DNAH6: variants seen among roughly 807,000 people sequenced by gnomAD.
DNAH6 encodes dynein axonemal heavy chain 6, also known as axonemal beta dynein heavy chain 6.
Under a neutral mutation model 491.4 loss-of-function variants are expected in DNAH6, and 340 were observed. That is an observed-to-expected ratio of 0.69 (90% confidence interval 0.63 to 0.76). The LOEUF is 0.76. DNAH6 is among the 30% of genes least tolerant of loss of function. DNAH6 has a pLI of 0.00. For missense variants in DNAH6, 4,443 were observed against 4,972.2 expected, an observed-to-expected ratio of 0.89 and a Z score of 3.20; for synonymous variants, 1,603 against 1,686.1, an observed-to-expected ratio of 0.95 and a Z score of 1.21.
At position 84,703,401 on chromosome 2, in the gene DNAH6, G is replaced by T. The variant is rs1385069740; in HGVS notation, c.8068G>T (p.Asp2690Tyr). The T allele has an allele frequency of 1.3e-6, 2 of 1,507,492 alleles. No homozygotes were observed. The highest frequency in any genetic ancestry group is 1.8e-6 in the Non-Finnish European group (2 of 1,124,452). The allele number at this position is 1,507,492 out of a possible 1,614,324, so 93.4% of individuals were successfully genotyped here. A position where few individuals can be genotyped will look rare whatever the true frequency, so the allele number is the denominator to read the frequency against. Residue 2690 changes from aspartate to tyrosine, a missense_variant, in exon 50 of 77, where the codon GAT becomes TAT. Physicochemically the swap from Asp to Tyr is radical, Grantham distance 160 (BLOSUM62 -3). Transcript: ENST00000389394. ...EKRKQIISAR[D>Y]RVKNGLTKLL... ...AATTTTCATTGTCACTTAGGCACGA[G>T]ATCGGGTGAAGAATGGTCTCACCAA...
At chr2:84,652,520 C>T (rs1009112248) in intron 33 of DNAH6, among the ~76,000 whole-genome samples, 10 of 151,970 alleles carry the variant, frequency 6.6e-5, no homozygotes, top group Non-Finnish European at 1.2e-4. Flanking sequence ...GTATATAAAG[C>T]CTTTTATCTC....
intron 37 of DNAH6, among the ~76,000 whole-genome samples, chr2:84,668,090 T>TG (rs1692344281): frequency 6.7e-6 from 1 of 149,490 alleles, no homozygotes; most frequent in African/African-American, 2.5e-5. Context: ...CGGCCTGTCG[T>TG]GGGGCGGGGG....
intron 18 of DNAH6, 58 bp downstream of exon 18, chr2:84,595,847 T>C: frequency 1.4e-6 from 2 of 1,426,812 alleles, no homozygotes; most frequent in East Asian, 5.3e-5. Flanking sequence ...TAATTGATGC[T>C]AATGAGACCA....
intron 37 of DNAH6, among the ~76,000 whole-genome samples, chr2:84,668,855 T>TGA (rs1407351756): frequency 9.9e-4 from 11 of 11,088 alleles, no homozygotes; most frequent in Admixed American, 2.5e-3. Flanking sequence ...TGTGTGTGTG[T>TGA]GTATGATTGT....
intron 57 of DNAH6, 149 bp downstream of exon 57, chr2:84,713,408 A>C: frequency 1.3e-6 from 1 of 765,708 alleles, no homozygotes; most frequent in Non-Finnish European, 2.0e-6. Context: ...ACCATCTTCC[A>C]TTCTTGCTTC....
intron 16 of DNAH6, among the ~76,000 whole-genome samples, chr2:84,593,657 T>C (rs1478661739): frequency 1.3e-5 from 2 of 152,174 alleles, no homozygotes; most frequent in Non-Finnish European, 2.9e-5. Context: ...ACCTAACATA[T>C]ATGTGCATGT....
intron 8 of DNAH6, among the ~76,000 whole-genome samples, chr2:84,549,324 A>G (rs1442636496): frequency 6.6e-6 from 1 of 152,240 alleles, no homozygotes; most frequent in Non-Finnish European, 1.5e-5. Context: ...TGAGGCTACC[A>G]TAGTGGACCT....
intron 62 of DNAH6, among the ~76,000 whole-genome samples, chr2:84,740,152 T>C (rs1405099529): frequency 6.6e-6 from 1 of 152,204 alleles, no homozygotes; most frequent in Non-Finnish European, 1.5e-5. Context: ...GCCAACTCTC[T>C]GTACAGGTTC....
Position 84,788,614 on chromosome 2 carries a change from TAGAC to T in DNAH6, c.11239+1316_11239+1319del, listed in dbSNP as rs1466604736. 2.6e-5 allele frequency among the ~76,000 whole-genome samples: 4 copies of T among 152,326 alleles called. No homozygotes were observed. The Middle Eastern group carries it at 0.01, about 389-fold the overall frequency. ...AGTCATTGTGGCACTGGCATAAAAATAGACAGATTTTGACTTGGCAGTGGTGACC... is the reference window on the plus strand; with the variant it reads ...AGTCATTGTGGCACTGGCATAAAAATAGATTTTGACTTGGCAGTGGTGACC... On this transcript the variant is annotated intron_variant, in intron 68 of 76. Coordinates refer to ENST00000389394, the MANE Select transcript of DNAH6 (RefSeq NM_001370.2).
rs773663662 is a variant in DNAH6, at chr2:84,685,343, C to G, written c.6934C>G (p.Pro2312Ala). 10 of 1,503,208 alleles carry G rather than the reference C, an allele frequency of 6.7e-6. No homozygotes were observed. Among genetic ancestry groups the G allele is most frequent in the Non-Finnish European group, 8.9e-6 (10 of 1,120,002 alleles). 93.1% of individuals were successfully genotyped at this position (1,503,208 alleles called of 1,614,324 possible). Reference protein sequence around the residue: ...KCVQGILQCDPGTIREEIQIF... With the variant: ...KCVQGILQCDAGTIREEIQIF... ...AAAAACAGGTATCCTCCAATGTGATCCAGGAACAATAAGAGAAGAAATTCA... is the reference window on the plus strand; with the variant it reads ...AAAAACAGGTATCCTCCAATGTGATGCAGGAACAATAAGAGAAGAAATTCA... The change falls in exon 43 of 77, where the codon CCA (proline) becomes GCA (alanine). Residue 2312 changes from proline (P) to alanine (A), a missense_variant. Pro to Ala is a conservative substitution (Grantham distance 27, BLOSUM62 -1). Transcript: ENST00000389394.
chr2:84,662,387 TC>T (rs1691603743), intron 37 of DNAH6, among the ~76,000 whole-genome samples: 1 of 152,028 alleles, frequency 6.6e-6, no homozygotes, highest in Non-Finnish European at 1.5e-5. Context: ...ACCTGGAAAA[TC>T]GGGACACTCC....
chr2:84,783,676 T>C (rs985498777), intron 65 of DNAH6, among the ~76,000 whole-genome samples: 10 of 152,248 alleles, frequency 6.6e-5, no homozygotes, highest in African/African-American at 2.4e-4. Context: ...TAGTGTACCA[T>C]GTATTGTTCT....
At chr2:84,586,493 A>C (rs561681323) in intron 15 of DNAH6, among the ~76,000 whole-genome samples, 1 of 152,260 alleles carries the variant, frequency 6.6e-6, no homozygotes, top group Admixed American at 6.5e-5. Flanking sequence ...GCATATTGCT[A>C]TTTGTGGATG....
At chr2:84,748,469 A>G (rs1189018023) in intron 63 of DNAH6, among the ~76,000 whole-genome samples, 2 of 152,246 alleles carry the variant, frequency 1.3e-5, no homozygotes, top group African/African-American at 2.4e-5. Flanking sequence ...CCCCTAGTGC[A>G]TGGACACAAT....
chr2:84,502,427 G>T, the DNAH6 span, among the ~76,000 whole-genome samples: 1 of 152,114 alleles, frequency 6.6e-6, no homozygotes, highest in South Asian at 2.1e-4. Flanking sequence ...GGCTTGTCTT[G>T]TGACCTAACA....
At chr2:84,733,404 T>G in intron 61 of DNAH6, 40 bp from the exon 62 acceptor site, 2 of 1,533,164 alleles carry the variant, frequency 1.3e-6, no homozygotes, top group Non-Finnish European at 1.8e-6. Context: ...ATTTTGTGAT[T>G]GCCTTTGTGA....
At chr2:84,562,727 G>A (rs924992494) in intron 11 of DNAH6, among the ~76,000 whole-genome samples, 1 of 152,172 alleles carries the variant, frequency 6.6e-6, no homozygotes, top group Admixed American at 6.5e-5. Context: ...GGAGTCACAC[G>A]GGAGGCACTT....
chr2:84,683,088 G>A (rs1693939137), intron 42 of DNAH6, among the ~76,000 whole-genome samples: 1 of 152,080 alleles, frequency 6.6e-6, no homozygotes. Context: ...CACTTTCCCT[G>A]CTCAAATGTC....
intron 63 of DNAH6, among the ~76,000 whole-genome samples, chr2:84,759,443 A>T (rs977333623): frequency 6.6e-6 from 1 of 152,170 alleles, no homozygotes; most frequent in Non-Finnish European, 1.5e-5. Context: ...CAGGAGGCAG[A>T]GGTTGCAATG....
Sources: allele counts gnomAD v4.1 joint callset (sites outside exome capture counted in the v4.1 genomes callset), GRCh38; gene constraint gnomAD v4.1.1; transcripts MANE v1.5; gene names NCBI Gene and HGNC (gene_info 2026-07-23, HGNC 2026-07-21).